CHRM3: variants seen among roughly 807,000 people sequenced by gnomAD.
CHRM3 encodes the protein cholinergic receptor muscarinic 3, also known as muscarinic acetylcholine receptor M3.
CHRM3 carries 11 observed loss-of-function variants against 41.8 expected under a neutral mutation model. That is an observed-to-expected ratio of 0.26 (90% CI 0.17 to 0.44). The LOEUF is 0.44. Among genes scored for constraint, CHRM3 ranks in the 20% least tolerant of loss-of-function variants. CHRM3 has a pLI of 1.00. For missense variants in CHRM3, 571 were observed against 745.4 expected (o/e 0.77, Z 2.72); for synonymous variants, 297 against 301.4 (o/e 0.99, Z 0.15).
At chr1:239,741,343 T>G (rs1664828234) in intron 5 of CHRM3, among the ~76,000 whole-genome samples, 3 of 152,184 alleles carry the variant, frequency 2.0e-5, no homozygotes, top group Non-Finnish European at 4.4e-5. Context: ...TCCCTGTGTC[T>G]TCAAAGATAG....
chr1:239,879,881 A>T (rs1266742542), intron 6 of CHRM3, among the ~76,000 whole-genome samples: 1 of 152,240 alleles, frequency 6.6e-6, no homozygotes, highest in Non-Finnish European at 1.5e-5. Flanking sequence ...TCTCTTTCTG[A>T]GGACCATGAA....
chr1:239,824,368 T>C (rs982038759), intron 5 of CHRM3, among the ~76,000 whole-genome samples: 9 of 152,180 alleles, frequency 5.9e-5, no homozygotes, highest in African/African-American at 2.2e-4. Flanking sequence ...TGTAGACTTT[T>C]TCCCTTGCTT....
At chr1:239,645,818 A>T (rs1671694902) in intron 4 of CHRM3, among the ~76,000 whole-genome samples, 2 of 152,346 alleles carry the variant, frequency 1.3e-5, no homozygotes, top group South Asian at 4.1e-4. Flanking sequence ...AGAGGTGGTT[A>T]CTTTCATAAA....
intron 6 of CHRM3, among the ~76,000 whole-genome samples, chr1:239,828,510 A>T (rs1672645236): frequency 6.6e-6 from 1 of 152,142 alleles, no homozygotes. Flanking sequence ...TCAGGGAAGG[A>T]CAGTCTAATA....
chr1:239,427,333 T>C (rs1443845176), intron 1 of CHRM3, among the ~76,000 whole-genome samples: 1 of 152,062 alleles, frequency 6.6e-6, no homozygotes, highest in Non-Finnish European at 1.5e-5. Flanking sequence ...CAGACAGCCA[T>C]GACCTCTCCT....
intron 3 of CHRM3, among the ~76,000 whole-genome samples, chr1:239,621,219 G>T (rs1668323945): frequency 1.3e-5 from 2 of 152,166 alleles, no homozygotes; most frequent in South Asian, 4.1e-4. Flanking sequence ...ATTGATAAAT[G>T]TAATTAATGA....
intron 3 of CHRM3, among the ~76,000 whole-genome samples, chr1:239,585,553 C>G (rs2148610648): frequency 6.6e-6 from 1 of 152,318 alleles, no homozygotes. Context: ...CAGCCTTTCT[C>G]TCCATAGCAG....
intron 6 of CHRM3, among the ~76,000 whole-genome samples, chr1:239,853,144 A>G (rs1439481352): frequency 2.0e-5 from 3 of 151,924 alleles, no homozygotes; most frequent in Non-Finnish European, 4.4e-5. Context: ...ATCACTAAAA[A>G]TTAACCTCTC....
At chr1:239,466,968 T>G (rs1287224682) in intron 1 of CHRM3, among the ~76,000 whole-genome samples, 1 of 152,218 alleles carries the variant, frequency 6.6e-6, no homozygotes, top group African/African-American at 2.4e-5. Flanking sequence ...CGTTGTGCCT[T>G]TCCTATTCAC....
At chr1:239,695,337 C>CT (rs1177103889) in intron 5 of CHRM3, among the ~76,000 whole-genome samples, 1 of 152,108 alleles carries the variant, frequency 6.6e-6, no homozygotes, top group Non-Finnish European at 1.5e-5. Flanking sequence ...AAAATACCAT[C>CT]TTATTTTTTA....
intron 5 of CHRM3, among the ~76,000 whole-genome samples, chr1:239,814,203 G>A (rs1011667611): frequency 5.9e-5 from 9 of 152,110 alleles, no homozygotes; most frequent in African/African-American, 2.2e-4. Flanking sequence ...ACTTTAGTGT[G>A]GGTTCTCCCT....
chr1:239,664,976 C>T (rs1322268096), intron 4 of CHRM3, among the ~76,000 whole-genome samples: 1 of 152,046 alleles, frequency 6.6e-6, no homozygotes, highest in East Asian at 1.9e-4. Context: ...CTAGAACCCA[C>T]ACATCTGCAC....
intron 3 of CHRM3, among the ~76,000 whole-genome samples, chr1:239,623,376 C>T (rs1210069609): frequency 6.7e-6 from 1 of 148,270 alleles, no homozygotes; most frequent in Non-Finnish European, 1.5e-5. Context: ...GGTTTTTTGT[C>T]CTTGCGATAG....
At chr1:239,709,513 A>T (rs1215285466) in intron 5 of CHRM3, among the ~76,000 whole-genome samples, 1 of 152,164 alleles carries the variant, frequency 6.6e-6, no homozygotes, top group Admixed American at 6.5e-5. Flanking sequence ...CAGTGACTTT[A>T]TCTACTCATG....
intron 6 of CHRM3, among the ~76,000 whole-genome samples, chr1:239,869,902 A>G (rs1676434075): frequency 6.6e-6 from 1 of 152,170 alleles, no homozygotes; most frequent in Admixed American, 6.5e-5. Context: ...GGAAAGAAGA[A>G]TCTACAAAGG....
chr1:239,806,939 C>T (rs1670702265), intron 5 of CHRM3, among the ~76,000 whole-genome samples: 1 of 152,134 alleles, frequency 6.6e-6, no homozygotes, highest in South Asian at 2.1e-4. Context: ...GTAGTACCTG[C>T]CGTCATTCCA....
At chr1:239,580,512 C>G (rs2148585275) in intron 3 of CHRM3, among the ~76,000 whole-genome samples, 1 of 151,480 alleles carries the variant, frequency 6.6e-6, no homozygotes, top group East Asian at 1.9e-4. Flanking sequence ...CACTGTTATC[C>G]TCACCCAACA....
chr1:239,404,410 AAAAG>A lies in CHRM3; in HGVS notation c.-521+17239_-521+17242del, dbSNP rs1170633500. Among the ~76,000 whole-genome samples the A allele has an allele frequency of 7.4e-3, 384 of 51,676 alleles. 12 individuals carry two copies. The highest frequency in any genetic ancestry group is 0.017 in the African/African-American group (268 of 15,516). 33.9% of individuals were successfully genotyped at this position (51,676 alleles called of 152,430 possible). ...AAAGAAAGAAAGAAAGAAAGAAAGA[AAAAG>A]AAAGAAAGAAAGAAAGAAAGAAAGA... On this transcript the variant is annotated intron_variant, in intron 1 of 6. Transcript: ENST00000676153.
rs12034093 is a variant in CHRM3, at chr1:239,502,508, A to G, written c.-422+9701A>G. On this transcript the variant is annotated intron_variant, in intron 2 of 6. Transcript: ENST00000676153. ...ACTGCAGAATTCTCCCACACATTCA[A>G]AGAAGAATTGGTACCAATCCTTTTG... Among the ~76,000 whole-genome samples the G allele has an allele frequency of 1.3e-3, 199 of 152,298 alleles. 3 individuals carry two copies. In the East Asian group the frequency reaches 0.034, roughly 26 times the overall value.
Sources: gnomAD v4.1 joint callset for allele counts (sites outside exome capture counted in the v4.1 genomes callset) on GRCh38, gnomAD v4.1.1 for gene constraint, MANE v1.5 for transcripts, NCBI Gene and HGNC (gene_info 2026-07-23, HGNC 2026-07-21) for gene names.